The following RARB variants were observed in gnomAD, a reference collection of about 807,000 sequenced individuals.
RARB encodes the protein retinoic acid receptor beta.
RARB carries 17 observed loss-of-function variants against 51.9 expected under a neutral mutation model. The observed-to-expected ratio is 0.33, with a 90% CI of 0.22 to 0.49. The LOEUF (loss-of-function observed/expected upper bound fraction) is 0.49. RARB is among the 20% of genes least tolerant of loss of function. The probability of loss-of-function intolerance (pLI) is 0.99; values close to 1 mark genes in which losing one functional copy is unlikely to be tolerated. For synonymous variants in RARB, 215 were observed against 195.4 expected (o/e 1.10, Z -0.84); for missense variants, 369 against 550.8 (o/e 0.67, Z 3.30).
At chr3:25,591,300 G>A (rs536957177) in intron 5 of RARB, among the ~76,000 whole-genome samples, 4 of 152,158 alleles carry the variant, frequency 2.6e-5, no homozygotes, top group Admixed American at 2.6e-4. Context: ...AATATAAAAC[G>A]AAGTTTCTGT....
At chr3:25,177,641 G>C (rs1700781927) in intron 5 of RARB, among the ~76,000 whole-genome samples, 2 of 152,164 alleles carry the variant, frequency 1.3e-5, no homozygotes, top group Non-Finnish European at 2.9e-5. Context: ...TTCCATAGCA[G>C]CTACTGAGGT....
intron 2 of RARB, among the ~76,000 whole-genome samples, chr3:25,030,301 T>C (rs886179148): frequency 6.6e-6 from 1 of 152,242 alleles, no homozygotes; most frequent in African/African-American, 2.4e-5. Flanking sequence ...ATTTTTTAAA[T>C]CATCACTCTA....
rs115345920 is a variant in RARB at position 25,289,498 on chromosome 3, A to G, written c.178+114923A>G. Among the ~76,000 whole-genome samples the G allele has an allele frequency of 4.0e-3, 606 of 152,316 alleles. 2 individuals are homozygous for G. The highest frequency in any genetic ancestry group is 0.014 in the African/African-American group (569 of 41,570). On this transcript the variant is annotated intron_variant, in intron 5 of 11. Coordinates refer to the RARB transcript ENST00000383772. ...ATGTTGTCTGACAAAACCAAGCTGCAAGGAGGTTTGGCTCAACAAAATGGC... is the reference window on the plus strand; with the variant it reads ...ATGTTGTCTGACAAAACCAAGCTGCGAGGAGGTTTGGCTCAACAAAATGGC...
At chr3:25,192,527 A>G (rs1701128195) in intron 5 of RARB, among the ~76,000 whole-genome samples, 1 of 152,108 alleles carries the variant, frequency 6.6e-6, no homozygotes, top group Non-Finnish European at 1.5e-5. Flanking sequence ...TTATTAATTT[A>G]ACATTTAGTA....
rs1370917291 is a variant in RARB at position 25,183,055 on chromosome 3, C to T, written c.178+8480C>T. 2.0e-5 allele frequency among the ~76,000 whole-genome samples: 3 copies of T among 152,164 alleles called. No homozygotes were observed. In the South Asian group the frequency reaches 6.2e-4, roughly 32 times the overall value. ...GGTTTTGGACTTCTGGCCTACAGAA[C>T]GGTTTGTGGTATTTTGTGACAGCAA... On this transcript the variant is annotated intron_variant, in intron 5 of 11. Coordinates refer to the RARB transcript ENST00000383772.
In RARB at chr3:25,584,862, G is replaced by A. The variant is rs1701322260; in HGVS notation, c.786+4140G>A. Among the ~76,000 whole-genome samples the A allele has an allele frequency of 3.3e-5, 5 of 152,114 alleles. No individual in the cohort carries two copies. In the South Asian group the frequency reaches 1.0e-3, roughly 32 times the overall value. On this transcript the variant is annotated intron_variant, in intron 5 of 7. Transcript: ENST00000330688. ...CGTGGATGTGAGATGGCAGAGTGGA[G>A]GGTCCCTGCCCTGTTGGACTCTACA...
At chr3:25,185,314 G>C (rs1484422327) in intron 5 of RARB, among the ~76,000 whole-genome samples, 4 of 152,058 alleles carry the variant, frequency 2.6e-5, no homozygotes, top group Non-Finnish European at 5.9e-5. Flanking sequence ...TCATAGATGA[G>C]GATCCTTTAG....
At chr3:25,365,219 T>A (rs1706078893) in intron 5 of RARB, among the ~76,000 whole-genome samples, 1 of 140,764 alleles carries the variant, frequency 7.1e-6, no homozygotes, top group African/African-American at 2.7e-5. Flanking sequence ...TTTTTTTTTT[T>A]TTTTTTTGGC....
intron 3 of RARB, among the ~76,000 whole-genome samples, chr3:25,061,096 A>G (rs897267184): frequency 6.6e-6 from 1 of 151,862 alleles, no homozygotes; most frequent in African/African-American, 2.4e-5. Flanking sequence ...TTTTCCTGAG[A>G]AAGGATTAAC....
chr3:25,424,095 A>G (rs1707926573), upstream of RARB, among the ~76,000 whole-genome samples: 2 of 152,240 alleles, frequency 1.3e-5, no homozygotes, highest in Non-Finnish European at 2.9e-5. Flanking sequence ...GGAAAGTCTG[A>G]AAAAGCAGAG....
At chr3:25,442,986 A>G (rs1382643645) in intron 1 of RARB, among the ~76,000 whole-genome samples, 2 of 152,080 alleles carry the variant, frequency 1.3e-5, no homozygotes, top group East Asian at 1.9e-4. Context: ...GGAACTGGCC[A>G]TATTCTATGG....
At chr3:25,211,847 C>T (rs1701705045) in intron 5 of RARB, among the ~76,000 whole-genome samples, 1 of 152,186 alleles carries the variant, frequency 6.6e-6, no homozygotes, top group Admixed American at 6.5e-5. Context: ...AATTTGCAGA[C>T]TCATGATTTA....
rs537049286 is a variant in RARB at position 25,068,916 on chromosome 3, A to T, written c.-328+8740A>T. 2.0e-5 allele frequency among the ~76,000 whole-genome samples: 3 copies of T among 152,140 alleles called. No individual in the cohort carries two copies. In the South Asian group the frequency reaches 6.2e-4, roughly 32 times the overall value. ...ACCTTTAAAGGGGCAATAGGGCCAT[A>T]AACTTTATGAAAAAGGCTAGAGATT... is the stretch of plus-strand genomic sequence containing the variant. On this transcript the variant is annotated intron_variant, in intron 3 of 11. Transcript: ENST00000383772.
chr3:25,399,797 C>T (rs1172252291), intron 5 of RARB, among the ~76,000 whole-genome samples: 1 of 152,204 alleles, frequency 6.6e-6, no homozygotes, highest in African/African-American at 2.4e-5. Flanking sequence ...GTTTGTCTCA[C>T]AGGCAGAGAC....
At chr3:25,054,411 C>A (rs983558550) in intron 2 of RARB, among the ~76,000 whole-genome samples, 2 of 152,028 alleles carry the variant, frequency 1.3e-5, no homozygotes, top group African/African-American at 4.8e-5. Context: ...ACAGAGAAGT[C>A]CTGAGGGAGC....
chr3:25,274,379 G>C (rs1703329340), intron 5 of RARB, among the ~76,000 whole-genome samples: 1 of 152,076 alleles, frequency 6.6e-6, no homozygotes, highest in Admixed American at 6.5e-5. Context: ...TGCCCTTCCA[G>C]TCCCTTCACA....
intron 5 of RARB, among the ~76,000 whole-genome samples, chr3:25,248,102 G>C (rs927452596): frequency 6.6e-6 from 1 of 152,064 alleles, no homozygotes; most frequent in East Asian, 1.9e-4. Context: ...CCTCTTGCTG[G>C]ACTGATCCTT....
chr3:25,115,243 A>T (rs1699666449), intron 3 of RARB, among the ~76,000 whole-genome samples: 1 of 152,176 alleles, frequency 6.6e-6, no homozygotes, highest in African/African-American at 2.4e-5. Context: ...CCCAGGGAGA[A>T]ATTTCAAGAA....
chr3:25,139,156 A>G (rs1263752112), intron 4 of RARB, among the ~76,000 whole-genome samples: 2 of 152,120 alleles, frequency 1.3e-5, no homozygotes, highest in African/African-American at 4.8e-5. Context: ...CTGAGACACA[A>G]CAATACTGAA....
Sources: gnomAD v4.1 joint callset for allele counts (sites outside exome capture counted in the v4.1 genomes callset) on GRCh38, gnomAD v4.1.1 for gene constraint, MANE v1.5 for transcripts, NCBI Gene and HGNC (gene_info 2026-07-23, HGNC 2026-07-21) for gene names.